KIAA0319: variants seen among roughly 807,000 people sequenced by gnomAD.
The protein encoded by KIAA0319 is KIAA0319.
A neutral mutation model predicts 108.4 loss-of-function variants in KIAA0319; 83 were observed. That is an observed-to-expected ratio of 0.77 (90% confidence interval 0.64 to 0.92). The LOEUF is 0.92. Among genes scored for constraint, KIAA0319 ranks in the 40% least tolerant of loss-of-function variants. The pLI, the probability that KIAA0319 is intolerant of heterozygous loss-of-function variation, is 0.00. For synonymous variants in KIAA0319, 484 were observed against 510.4 expected, an observed-to-expected ratio of 0.95 and a Z score of 0.70; for missense variants, 1,195 against 1,322.4, an observed-to-expected ratio of 0.90 and a Z score of 1.49.
chr6:24,638,894 G>A (rs140480313), intron 1 of KIAA0319, among the ~76,000 whole-genome samples: 219 of 152,288 alleles, frequency 1.4e-3, no homozygotes, highest in Admixed American at 3.0e-3. Context: ...AATTTGTTAA[G>A]AGAGTAGATC....
At chr6:24,577,822 A>C (rs28385587) in intron 9 of KIAA0319, among the ~76,000 whole-genome samples, 14,692 of 152,242 alleles carry the variant, frequency 0.097, 716 homozygotes, top group South Asian at 0.15. Context: ...ATGGGTTAGC[A>C]GCAGTAAGCT....
At chr6:24,643,164 A>C (rs557958915) in intron 1 of KIAA0319, among the ~76,000 whole-genome samples, 1 of 152,306 alleles carries the variant, frequency 6.6e-6, no homozygotes, top group East Asian at 1.9e-4. Context: ...TAAAACTTAA[A>C]CACCTACTGT....
chr6:24,618,047 A>G (rs1773410478), intron 1 of KIAA0319, among the ~76,000 whole-genome samples: 1 of 152,128 alleles, frequency 6.6e-6, no homozygotes, highest in Non-Finnish European at 1.5e-5. Context: ...TCGTTCATGA[A>G]GGGTAGACCA....
intron 7 of KIAA0319, 148 bp downstream of exon 7, chr6:24,580,778 A>T: frequency 1.6e-6 from 1 of 624,616 alleles, no homozygotes; most frequent in Non-Finnish European, 2.9e-6. Context: ...CAAAAATATA[A>T]TCTTTGCGTG....
chr6:24,624,018 T>C (rs867485234), intron 1 of KIAA0319, among the ~76,000 whole-genome samples: 9 of 75,134 alleles, frequency 1.2e-4, no homozygotes, highest in African/African-American at 7.0e-4. Flanking sequence ...CTTTGTTTTC[T>C]TTTTTTTTTT....
intron 19 of KIAA0319, 66 bp from the exon 20 acceptor site, chr6:24,551,591 G>A (rs772648728): frequency 6.8e-5 from 74 of 1,088,810 alleles, no homozygotes; most frequent in Non-Finnish European, 9.9e-5. Context: ...AGGATTTAAC[G>A]CACAGTAAAG....
At chr6:24,626,241 T>C (rs1301969150) in intron 1 of KIAA0319, among the ~76,000 whole-genome samples, 1 of 152,060 alleles carries the variant, frequency 6.6e-6, no homozygotes, top group Non-Finnish European at 1.5e-5. Flanking sequence ...TTAGAAGTGG[T>C]GAAAATGGGG....
chr6:24,625,351 C>T (rs1306389079), intron 1 of KIAA0319, among the ~76,000 whole-genome samples: 1 of 152,030 alleles, frequency 6.6e-6, no homozygotes, highest in Non-Finnish European at 1.5e-5. Flanking sequence ...GATTTATTAA[C>T]AAGACCCAAA....
chr6:24,617,327 T>C (rs1773290714), intron 1 of KIAA0319, among the ~76,000 whole-genome samples: 1 of 151,970 alleles, frequency 6.6e-6, no homozygotes, highest in Non-Finnish European at 1.5e-5. Flanking sequence ...ATATGAAAAA[T>C]ACAGCTTATA....
At position 24,573,888 on chromosome 6, in the gene KIAA0319, G is replaced by A. The variant is rs567678854; in HGVS notation, c.1735-1190C>T. ...CCCCAGCACTTTGGGAGGCTACGGCGGGTGGATCATGAAGTCAGGAGTTCA... is the reference window on the plus strand; with the variant it reads ...CCCCAGCACTTTGGGAGGCTACGGCAGGTGGATCATGAAGTCAGGAGTTCA... On this transcript the variant is annotated intron_variant, in intron 10 of 20. Coordinates refer to ENST00000378214, the MANE Select transcript of KIAA0319 (RefSeq NM_014809.4). Among the ~76,000 whole-genome samples the A allele has an allele frequency of 1.2e-4, 18 of 152,186 alleles. No individual in the cohort carries two copies. In the South Asian group the frequency reaches 2.5e-3, roughly 21 times the overall value.
intron 14 of KIAA0319, 26 bp from the exon 15 acceptor site, chr6:24,564,366 C>A: frequency 6.2e-7 from 1 of 1,613,158 alleles, no homozygotes; most frequent in Middle Eastern, 1.7e-4. Flanking sequence ...GATCACAGGG[C>A]AGCTGTCAAT....
intron 17 of KIAA0319, among the ~76,000 whole-genome samples, chr6:24,558,362 T>TCTAG (rs1762594289): frequency 1.0e-5 from 1 of 100,436 alleles, no homozygotes; most frequent in Admixed American, 1.0e-4. Flanking sequence ...GATATATATA[T>TCTAG]ATCTAGATAG....
At position 24,634,708 on chromosome 6, in the gene KIAA0319, G is replaced by A. The variant is rs190238103; in HGVS notation, c.-106+11028C>T. Among the ~76,000 whole-genome samples, 53 of 152,262 alleles carry A rather than the reference G, an allele frequency of 3.5e-4. No individual in the cohort carries two copies. The East Asian group carries it at 6.6e-3, about 19-fold the overall frequency. On this transcript the variant is annotated intron_variant, in intron 1 of 20. Transcript: ENST00000378214. Reference sequence around the variant, plus strand: ...GGAGATTGTCCAAATAGTCCTAACCGGTCATATGAGCTGTAAACCAAAAGG... The same window carrying A: ...GGAGATTGTCCAAATAGTCCTAACCAGTCATATGAGCTGTAAACCAAAAGG...
intron 10 of KIAA0319, 34 bp from the exon 11 acceptor site, chr6:24,572,732 A>G (rs34752305): frequency 1.9e-6 from 3 of 1,569,526 alleles, no homozygotes; most frequent in Non-Finnish European, 2.6e-6. Flanking sequence ...TAAAAACAAA[A>G]CAAAACAAAA....
intron 15 of KIAA0319, 139 bp downstream of exon 15, chr6:24,564,063 A>T: frequency 3.4e-6 from 3 of 887,582 alleles, no homozygotes; most frequent in Non-Finnish European, 5.2e-6. Context: ...GGTGTAAGAG[A>T]CATCCTCAAA....
Position 24,599,213 on chromosome 6 carries a change from G to A in KIAA0319, c.55+1836C>T. 1 of 520,006 alleles carries A rather than the reference G, an allele frequency of 1.9e-6. No individual in the cohort carries two copies. Among genetic ancestry groups the A allele is most frequent in the Non-Finnish European group, 3.5e-6 (1 of 282,626 alleles). 32.2% of individuals were successfully genotyped at this position (520,006 alleles called of 1,614,324 possible). A position where few individuals can be genotyped will look rare whatever the true frequency, so the allele number is the denominator to read the frequency against. ...ACAGCCTGTACCAGGTCAAGTATGA[G>A]GAGCTGCAGGCACTGGCTGGGAAGC... On this transcript the variant is annotated intron_variant, in intron 2 of 20. Coordinates refer to ENST00000378214, the MANE Select transcript of KIAA0319 (RefSeq NM_014809.4). This position sits in a 1 kb window ranked among gnomAD's most constrained non-coding sequence, Gnocchi z 4.1.
At chr6:24,541,999 G>C (rs1581834217), downstream of KIAA0319, among the ~76,000 whole-genome samples, 2 of 152,316 alleles carry the variant, frequency 1.3e-5, no homozygotes, top group South Asian at 4.1e-4. Flanking sequence ...AAGTAGCTGA[G>C]TGTGGTAACA....
At chr6:24,600,257 A>C (rs1770422311) in intron 2 of KIAA0319, among the ~76,000 whole-genome samples, 1 of 152,210 alleles carries the variant, frequency 6.6e-6, no homozygotes, top group Admixed American at 6.5e-5. Context: ...AGATGAAATA[A>C]GGGGACATTT....
chr6:24,593,561 T>C (rs1768880049), intron 3 of KIAA0319, among the ~76,000 whole-genome samples: 1 of 151,718 alleles, frequency 6.6e-6, no homozygotes. Context: ...CCGCCACGCC[T>C]GGCTAATTTT....
Sources: gnomAD v4.1 joint callset for allele counts (sites outside exome capture counted in the v4.1 genomes callset) on GRCh38, gnomAD v4.1.1 for gene constraint, Gnocchi (gnomAD v3.1) non-coding constraint, MANE v1.5 for transcripts, NCBI Gene and HGNC (gene_info 2026-07-23, HGNC 2026-07-21) for gene names.